CACNA1D: variants seen among roughly 807,000 people sequenced by gnomAD.
CACNA1D encodes the protein voltage-dependent L-type calcium channel subunit alpha-1D.
Under a neutral mutation model 257.1 loss-of-function variants are expected in CACNA1D, and 55 were observed. That is an observed-to-expected ratio of 0.21 (90% CI 0.17 to 0.27). The LOEUF is 0.27. Ranked by LOEUF, CACNA1D falls within the 10% of genes least tolerant of loss-of-function variation. The probability of loss-of-function intolerance (pLI) is 1.00; values close to 1 mark genes in which losing one functional copy is unlikely to be tolerated. For missense variants in CACNA1D, 1,876 were observed against 2,784.0 expected, an observed-to-expected ratio of 0.67 and a Z score of 7.34; for synonymous variants, 980 against 1,014.9, an observed-to-expected ratio of 0.97 and a Z score of 0.65.
At position 53,774,509 on chromosome 3, in the gene CACNA1D, G is replaced by A. The variant is rs1302321475; in HGVS notation, c.4111-78G>A. The stretch of plus-strand genomic sequence containing the variant: ...CCTAGCTGGTAAAGATCAAACCTGA[G>A]TTAGTTCTAAATTCACATACGGATT... On this transcript the variant is annotated intron_variant, in intron 33 of 47. Coordinates refer to ENST00000350061, the MANE Select transcript of CACNA1D (RefSeq NM_001128840.3). This position sits in a 1 kb window ranked among gnomAD's most constrained non-coding sequence, Gnocchi z 4.3. 4.6e-6 allele frequency: 4 copies of A among 863,144 alleles called. 1 individual carries two copies. The South Asian group carries it at 5.3e-5, about 12-fold the overall frequency. The allele number at this position is 863,144 out of a possible 1,614,324, so 53.5% of individuals were successfully genotyped here.
At chr3:53,685,187 T>C (rs1350597468) in intron 8 of CACNA1D, among the ~76,000 whole-genome samples, 6 of 151,844 alleles carry the variant, frequency 4.0e-5, no homozygotes, top group African/African-American at 1.2e-4. Context: ...AGTTGGACTT[T>C]AGTATAAGGA....
At chr3:53,593,410 G>A (rs116831198) in intron 3 of CACNA1D, among the ~76,000 whole-genome samples, 25 of 152,290 alleles carry the variant, frequency 1.6e-4, no homozygotes, top group African/African-American at 5.1e-4. Context: ...AAGGAATATG[G>A]TGTAAGTGGA....
chr3:53,532,808 C>T (rs2091991233), intron 3 of CACNA1D, among the ~76,000 whole-genome samples: 1 of 152,158 alleles, frequency 6.6e-6, no homozygotes, highest in Admixed American at 6.5e-5. Flanking sequence ...CAGAACACAG[C>T]AACCTCAGAC....
intron 3 of CACNA1D, among the ~76,000 whole-genome samples, chr3:53,594,215 A>G (rs903872349): frequency 6.6e-6 from 1 of 152,236 alleles, no homozygotes; most frequent in African/African-American, 2.4e-5. Flanking sequence ...CCACTTTCAG[A>G]CAATAATTGT....
intron 3 of CACNA1D, among the ~76,000 whole-genome samples, chr3:53,568,010 G>C (rs2092877206): frequency 3.9e-5 from 6 of 152,164 alleles, no homozygotes; most frequent in Admixed American, 2.0e-4. Context: ...CTCTAAATAA[G>C]TCGTTTAACC....
chr3:53,623,023 C>G (rs1295223784), intron 3 of CACNA1D, among the ~76,000 whole-genome samples: 1 of 152,072 alleles, frequency 6.6e-6, no homozygotes, highest in Non-Finnish European at 1.5e-5. Context: ...TCCTGCATAG[C>G]TGGCACTACA....
chr3:53,557,730 C>T (rs2092672333), intron 3 of CACNA1D, among the ~76,000 whole-genome samples: 1 of 152,200 alleles, frequency 6.6e-6, no homozygotes, highest in Non-Finnish European at 1.5e-5. Context: ...GTGTCTGTCC[C>T]TTCACCAGCA....
rs1466521865 is a variant in CACNA1D, at chr3:53,718,335, C to T, written c.1425C>T (p.Asn475=). ...CCACCAGCGAGACTGAGTCTGTGAACACAGAGAACGTCAGCGGTGAAGGCG... is the reference window on the plus strand; with the variant it reads ...CCACCAGCGAGACTGAGTCTGTGAATACAGAGAACGTCAGCGGTGAAGGCG... The part of the protein sequence containing the change: ...SMPTSETESV[N]TENVSGEGEN... The change falls in exon 10 of 48, where the codon AAC becomes AAT. Residue 475 remains asparagine, a synonymous_variant. Coordinates refer to ENST00000350061, the MANE Select transcript of CACNA1D (RefSeq NM_001128840.3). 3 of 1,614,202 alleles carry T rather than the reference C, an allele frequency of 1.9e-6. No individual in the cohort carries two copies. The highest frequency in any genetic ancestry group is 1.1e-5 in the South Asian group (1 of 91,086).
At chr3:53,728,959 CCTGTGGCTCATCACT>C (rs1482826063) in intron 15 of CACNA1D, among the ~76,000 whole-genome samples, 1 of 152,182 alleles carries the variant, frequency 6.6e-6, no homozygotes, top group Non-Finnish European at 1.5e-5. Context: ...GTAAGATCTT[CCTGTGGCTCATCACT>C]CTGGATTTGC....
At position 53,743,955 on chromosome 3, in the gene CACNA1D, G is replaced by A. The variant is rs79860699; in HGVS notation, c.2919-785G>A. Among the ~76,000 whole-genome samples the A allele has an allele frequency of 7.1e-4, 108 of 152,250 alleles. 1 individual carries two copies. In the East Asian group the frequency reaches 0.015, roughly 22 times the overall value. On this transcript the variant is annotated intron_variant, in intron 22 of 47. Transcript: ENST00000350061. ...GAGGGAACCCTGTGATCATAGCTTGGAAGGCCATTTGCATTAACATCTTTG... is the reference window on the plus strand; with the variant it reads ...GAGGGAACCCTGTGATCATAGCTTGAAAGGCCATTTGCATTAACATCTTTG...
chr3:53,761,741 C>T (rs549395736), intron 29 of CACNA1D, among the ~76,000 whole-genome samples: 4 of 150,404 alleles, frequency 2.7e-5, no homozygotes, highest in Admixed American at 1.3e-4. Flanking sequence ...CACTCAGGAC[C>T]GTGAGTGTGT....
intron 8 of CACNA1D, among the ~76,000 whole-genome samples, chr3:53,692,306 C>T (rs1296653066): frequency 6.6e-6 from 1 of 152,022 alleles, no homozygotes; most frequent in Admixed American, 6.5e-5. Flanking sequence ...CTGGAGGACT[C>T]TAAGGTAGAG....
At chr3:53,562,986 G>A (rs749556546) in intron 3 of CACNA1D, among the ~76,000 whole-genome samples, 21 of 152,310 alleles carry the variant, frequency 1.4e-4, no homozygotes, top group Non-Finnish European at 2.5e-4. Flanking sequence ...GAAAATCTGT[G>A]ACCACTTGGC....
intron 3 of CACNA1D, among the ~76,000 whole-genome samples, chr3:53,586,346 T>G (rs2093217533): frequency 1.3e-5 from 2 of 150,506 alleles, no homozygotes; most frequent in Admixed American, 1.3e-4. Flanking sequence ...GATGAGAGCT[T>G]CTGGTCTCAA....
chr3:53,718,594 C>A (rs2108684012), intron 10 of CACNA1D: 2 of 952,206 alleles, frequency 2.1e-6, no homozygotes, highest in Admixed American at 2.0e-5. Flanking sequence ...CCCCCCGCCC[C>A]CCGGCCCAGC....
At position 53,801,908 on chromosome 3, in the gene CACNA1D, A is replaced by G. The variant is rs80041837; in HGVS notation, c.5409-239A>G. Among the ~76,000 whole-genome samples the G allele has an allele frequency of 8.6e-3, 1,304 of 152,310 alleles. 19 individuals are homozygous for G. Among genetic ancestry groups the G allele is most frequent in the African/African-American group, 0.03 (1,247 of 41,560 alleles). ...TGAAATTTGAACTTCATATATTTGC[A>G]TATGATGAGATATTTTTTGTCTTCA... On this transcript the variant is annotated intron_variant, in intron 42 of 47. Transcript: ENST00000350061.
At chr3:53,730,048 TA>T (rs76372858) in intron 15 of CACNA1D, among the ~76,000 whole-genome samples, 5,690 of 149,940 alleles carry the variant, frequency 0.038, 156 homozygotes, top group East Asian at 0.091. Context: ...AGTATGTGTT[TA>T]AAAAAAAAAC....
rs114704287 is a variant in CACNA1D at position 53,549,794 on chromosome 3, C to A, written c.483+48074C>A. Among the ~76,000 whole-genome samples the A allele has an allele frequency of 5.3e-3, 811 of 152,182 alleles. 11 individuals carry two copies. Among genetic ancestry groups the A allele is most frequent in the African/African-American group, 0.019 (778 of 41,506 alleles). On this transcript the variant is annotated intron_variant, in intron 3 of 47. Coordinates refer to ENST00000350061, the MANE Select transcript of CACNA1D (RefSeq NM_001128840.3). ...GCATGCACAGAAGTGGTGTGCAGAT[C>A]GTTTCAGATCAATTTATCATAAAAT... is the stretch of plus-strand genomic sequence containing the variant.
intron 2 of CACNA1D, 58 bp from the exon 3 acceptor site, chr3:53,501,557 G>C (rs777726885): frequency 3.4e-6 from 3 of 894,874 alleles, no homozygotes; most frequent in Non-Finnish European, 5.6e-6. Flanking sequence ...TCGGGAGTGT[G>C]ATGAGGGACA....
Sources: gnomAD v4.1 joint callset for allele counts (sites outside exome capture counted in the v4.1 genomes callset) on GRCh38, gnomAD v4.1.1 for gene constraint, Gnocchi (gnomAD v3.1) non-coding constraint, MANE v1.5 for transcripts, NCBI Gene and HGNC (gene_info 2026-07-23, HGNC 2026-07-21) for gene names.